PAPPA: variants seen among roughly 807,000 people sequenced by gnomAD.
The protein encoded by PAPPA is pappalysin 1.
In PAPPA, 60 loss-of-function variants were observed where a neutral mutation model predicts 164.0. The ratio of observed to expected loss-of-function variants is 0.37; its 90% CI spans 0.30 to 0.45. The LOEUF (loss-of-function observed/expected upper bound fraction) is 0.45, where lower values mean the gene tolerates loss of function less well. Ranked by LOEUF, PAPPA falls within the 20% of genes least tolerant of loss-of-function variation. The probability of loss-of-function intolerance (pLI) is 1.00; values close to 1 mark genes in which losing one functional copy is unlikely to be tolerated. For synonymous variants in PAPPA, 875 were observed against 814.1 expected, an observed-to-expected ratio of 1.07 and a Z score of -1.27; for missense variants, 1,782 against 2,087.3, an observed-to-expected ratio of 0.85 and a Z score of 2.85.
At chr9:116,263,249 T>C (rs1377491627) in intron 7 of PAPPA, among the ~76,000 whole-genome samples, 1 of 152,192 alleles carries the variant, frequency 6.6e-6, no homozygotes, top group Non-Finnish European at 1.5e-5. Context: ...GGGTAGACGT[T>C]ACAGGGACAC....
rs961456464 is a variant in PAPPA at position 116,154,398 on chromosome 9, C to A, written c.226C>A (p.Arg76=). 22 of 1,154,162 alleles carry A rather than the reference C, an allele frequency of 1.9e-5. No homozygotes were observed. The highest frequency in any genetic ancestry group is 7.7e-6 in the Non-Finnish European group (7 of 912,460). The allele number at this position is 1,154,162 out of a possible 1,614,324, so 71.5% of individuals were successfully genotyped here. A position where few individuals can be genotyped will look rare whatever the true frequency, so the allele number is the denominator to read the frequency against. The change falls in exon 1 of 22, where the codon CGG becomes AGG. Residue 76 remains arginine (R), a synonymous_variant. Coordinates refer to ENST00000328252, the MANE Select transcript of PAPPA (RefSeq NM_002581.5). This position sits in a 1 kb window ranked among gnomAD's most constrained non-coding sequence, Gnocchi z 5.2. The part of the protein sequence containing the change: ...GGAWEAVRVP[R]RRQQREARGA... ...TGCCTGGGAAGCCGTGCGCGTCCCC[C>A]GGCGGCGGCAGCAGCGGGAGGCGAG...
intron 9 of PAPPA, chr9:116,286,501 A>G (rs992978061): frequency 6.6e-6 from 1 of 152,190 alleles, no homozygotes; most frequent in Non-Finnish European, 1.5e-5. Flanking sequence ...CTCTTTGTTA[A>G]GGAAATTGAT....
chr9:116,280,880 T>C lies in PAPPA; in HGVS notation c.2953+9464T>C, dbSNP rs1165721578. 2.0e-5 allele frequency among the ~76,000 whole-genome samples: 3 copies of C among 152,312 alleles called. No individual in the cohort carries two copies. The East Asian group carries it at 5.8e-4, about 29-fold the overall frequency. ...TCTTGTATGGACCACAAAGCCAAAA[T>C]ATTTACCATCTGGTCCTTTACTGAA... On this transcript the variant is annotated intron_variant, in intron 9 of 21. Transcript: ENST00000328252.
intron 2 of PAPPA, among the ~76,000 whole-genome samples, chr9:116,191,445 T>C (rs1675557592): frequency 6.6e-6 from 1 of 152,180 alleles, no homozygotes; most frequent in African/African-American, 2.4e-5. Context: ...AAACCAAATA[T>C]TGACTGCTTC....
intron 21 of PAPPA, among the ~76,000 whole-genome samples, chr9:116,384,674 C>A (rs1420553876): frequency 5.3e-5 from 8 of 152,082 alleles, no homozygotes; most frequent in Non-Finnish European, 1.2e-4. Flanking sequence ...CTAATTATTT[C>A]TTTATAGTTG....
At chr9:116,297,146 T>C (rs1386294457) in intron 9 of PAPPA, among the ~76,000 whole-genome samples, 1 of 152,178 alleles carries the variant, frequency 6.6e-6, no homozygotes, top group African/African-American at 2.4e-5. Context: ...TGAGCCACCA[T>C]GTCTGGCAGA....
intron 13 of PAPPA, among the ~76,000 whole-genome samples, chr9:116,335,634 T>A (rs1846051945): frequency 6.6e-6 from 1 of 152,182 alleles, no homozygotes; most frequent in Non-Finnish European, 1.5e-5. Context: ...ACTCCCTCAG[T>A]GCTTTTGAGG....
intron 7 of PAPPA, among the ~76,000 whole-genome samples, chr9:116,260,314 G>T (rs1337197785): frequency 6.6e-6 from 1 of 152,142 alleles, no homozygotes; most frequent in Non-Finnish European, 1.5e-5. Flanking sequence ...AGTATAGTCT[G>T]TACTTTTCTA....
chr9:116,320,506 A>T (rs1338966192), intron 10 of PAPPA, among the ~76,000 whole-genome samples: 1 of 152,220 alleles, frequency 6.6e-6, no homozygotes, highest in African/African-American at 2.4e-5. Flanking sequence ...TGCACACAGG[A>T]AATGCTTCTT....
chr9:116,358,223 A>T (rs897897511), intron 17 of PAPPA, among the ~76,000 whole-genome samples: 1 of 152,112 alleles, frequency 6.6e-6, no homozygotes, highest in African/African-American at 2.4e-5. Flanking sequence ...AAAGAGACTT[A>T]TCCTGAGTCA....
At chr9:116,375,095 A>G (rs1846633003) in intron 19 of PAPPA, among the ~76,000 whole-genome samples, 1 of 152,242 alleles carries the variant, frequency 6.6e-6, no homozygotes, top group African/African-American at 2.4e-5. Flanking sequence ...ATATGAATGC[A>G]CCATCTCAAC....
In PAPPA at chr9:116,268,668, TA is replaced by T. The variant is rs528136742; in HGVS notation, c.2862-2655del. Among the ~76,000 whole-genome samples the T allele has an allele frequency of 3.6e-3, 521 of 143,894 alleles. 4 individuals are homozygous for T. Among genetic ancestry groups the T allele is most frequent in the African/African-American group, 0.013 (492 of 38,680 alleles). 94.4% of individuals were successfully genotyped at this position (143,894 alleles called of 152,430 possible). ...TGCTGATCTAAAACTATTAGTATCATAATTATTATTAATTTTAAATAGTATA... is the reference window on the plus strand; with the variant it reads ...TGCTGATCTAAAACTATTAGTATCATATTATTATTAATTTTAAATAGTATA... On this transcript the variant is annotated intron_variant, in intron 8 of 21. Coordinates refer to ENST00000328252, the MANE Select transcript of PAPPA (RefSeq NM_002581.5).
At chr9:116,389,031 A>G (rs1564252953) in intron 21 of PAPPA, among the ~76,000 whole-genome samples, 1 of 151,876 alleles carries the variant, frequency 6.6e-6, no homozygotes, top group Non-Finnish European at 1.5e-5. Context: ...TTCTTAGCAG[A>G]GTGGGTGATA....
chr9:116,160,039 G>C (rs1843649186), intron 1 of PAPPA, among the ~76,000 whole-genome samples: 1 of 152,202 alleles, frequency 6.6e-6, no homozygotes, highest in South Asian at 2.1e-4. Flanking sequence ...GGATTCTGAT[G>C]TTGTGGGTCT....
chr9:116,254,509 G>A (rs392602), intron 7 of PAPPA, among the ~76,000 whole-genome samples: 147,115 of 152,144 alleles, frequency 0.97, 71,313 homozygotes, highest in East Asian at 1. Flanking sequence ...AGGGCCGGGC[G>A]CGGTGGCTCA....
intron 1 of PAPPA, among the ~76,000 whole-genome samples, chr9:116,175,458 T>C (rs1418236125): frequency 6.6e-6 from 1 of 152,208 alleles, no homozygotes; most frequent in Non-Finnish European, 1.5e-5. Context: ...TTCCATAATG[T>C]ATACGTATTT....
intron 12 of PAPPA, among the ~76,000 whole-genome samples, chr9:116,333,126 C>T (rs1429784749): frequency 6.6e-6 from 1 of 152,062 alleles, no homozygotes; most frequent in African/African-American, 2.4e-5. Flanking sequence ...CCACATGCAC[C>T]GTGGTCCAGA....
chr9:116,324,724 A>C (rs1845900246), intron 10 of PAPPA, among the ~76,000 whole-genome samples: 1 of 152,164 alleles, frequency 6.6e-6, no homozygotes, highest in South Asian at 2.1e-4. Flanking sequence ...GTAGTATTTC[A>C]CAAAATGGGC....
At chr9:116,386,097 C>A (rs1362664005) in intron 21 of PAPPA, among the ~76,000 whole-genome samples, 2 of 152,120 alleles carry the variant, frequency 1.3e-5, no homozygotes, top group Admixed American at 6.5e-5. Flanking sequence ...TAAAACTGTA[C>A]ATGAAGTATG....
Sources: gnomAD v4.1 joint callset for allele counts (sites outside exome capture counted in the v4.1 genomes callset) on GRCh38, gnomAD v4.1.1 for gene constraint, Gnocchi (gnomAD v3.1) non-coding constraint, MANE v1.5 for transcripts, NCBI Gene and HGNC (gene_info 2026-07-23, HGNC 2026-07-21) for gene names.